Variants in GUCY1A1 observed in about 807,000 individuals in gnomAD.
GUCY1A1 encodes guanylate cyclase 1 soluble subunit alpha 1.
Under a neutral mutation model 64.5 loss-of-function variants are expected in GUCY1A1, and 48 were observed. The ratio of observed to expected loss-of-function variants is 0.74; its 90% CI spans 0.59 to 0.95. The LOEUF is 0.95. Ranked by LOEUF, GUCY1A1 falls within the 40% of genes least tolerant of loss-of-function variation. The probability of loss-of-function intolerance (pLI) is 0.00; values close to 1 mark genes in which losing one functional copy is unlikely to be tolerated. For synonymous variants in GUCY1A1, 308 were observed against 303.4 expected, an observed-to-expected ratio of 1.02 and a Z score of -0.16; for missense variants, 804 against 825.3, an observed-to-expected ratio of 0.97 and a Z score of 0.32.
At chr4:155,693,767 C>G (rs954316977) in intron 2 of GUCY1A1, among the ~76,000 whole-genome samples, 1 of 152,002 alleles carries the variant, frequency 6.6e-6, no homozygotes, top group Non-Finnish European at 1.5e-5. Context: ...ATTATAGTAC[C>G]GTGCAGTACA....
At chr4:155,696,009 G>A (rs992271245) in intron 2 of GUCY1A1, among the ~76,000 whole-genome samples, 10 of 152,284 alleles carry the variant, frequency 6.6e-5, no homozygotes, top group African/African-American at 1.7e-4. Flanking sequence ...ATGCTGGAAT[G>A]GCGATGCTTA....
intron 2 of GUCY1A1, among the ~76,000 whole-genome samples, chr4:155,671,368 G>A (rs1734121957): frequency 6.6e-6 from 1 of 152,186 alleles, no homozygotes; most frequent in South Asian, 2.1e-4. Context: ...CTTCCTTGCT[G>A]TTGATTTAGC....
intron 5 of GUCY1A1, among the ~76,000 whole-genome samples, chr4:155,708,899 A>G (rs28460522): frequency 6.7e-6 from 1 of 149,736 alleles, no homozygotes; most frequent in African/African-American, 2.5e-5. Context: ...TTTTTCCCAC[A>G]TTACAGATAA....
chr4:155,703,384 A>G (rs917532969), intron 3 of GUCY1A1, among the ~76,000 whole-genome samples: 1 of 152,238 alleles, frequency 6.6e-6, no homozygotes, highest in African/African-American at 2.4e-5. Flanking sequence ...AGGAAGAGAC[A>G]GAGATAACTC....
At chr4:155,688,472 A>G (rs17033365) in intron 2 of GUCY1A1, among the ~76,000 whole-genome samples, 15,221 of 152,196 alleles carry the variant, frequency 0.1, 2,522 homozygotes, top group African/African-American at 0.34. Flanking sequence ...TAGCCCAATT[A>G]TTTAATCAAG....
chr4:155,713,624 T>G lies in GUCY1A1; in HGVS notation c.1572+41T>G, dbSNP rs768304970. The stretch of plus-strand genomic sequence containing the variant: ...GGAAATAATTGTTTTACCAGCAAAC[T>G]CACTGGGGAACAAGCACTGTGCCTA... On this transcript the variant is annotated intron_variant, in intron 7 of 9. Coordinates refer to ENST00000506455, the MANE Select transcript of GUCY1A1 (RefSeq NM_001130682.3). 7 of 1,591,434 alleles carry G rather than the reference T, an allele frequency of 4.4e-6. No individual in the cohort carries two copies. In the Admixed American group the frequency reaches 8.4e-5, roughly 19 times the overall value.
chr4:155,679,593 G>A (rs558912951), intron 2 of GUCY1A1, among the ~76,000 whole-genome samples: 17 of 152,230 alleles, frequency 1.1e-4, no homozygotes, highest in East Asian at 9.7e-4. Context: ...ACTGGCTATC[G>A]TGAGAACGGT....
intron 9 of GUCY1A1, among the ~76,000 whole-genome samples, chr4:155,723,522 A>G (rs1211408303): frequency 1.3e-5 from 2 of 152,180 alleles, no homozygotes; most frequent in East Asian, 1.9e-4. Context: ...CTTAAGTAAC[A>G]AAAGAGTTTT....
chr4:155,682,508 A>G (rs894729950), intron 2 of GUCY1A1, among the ~76,000 whole-genome samples: 7 of 152,042 alleles, frequency 4.6e-5, no homozygotes, highest in South Asian at 2.1e-4. Flanking sequence ...TGTCTCTACT[A>G]AAAATACAAA....
chr4:155,703,986 GA>G lies in GUCY1A1; in HGVS notation c.313del (p.Ser105AlafsTer59). On this transcript the variant is annotated frameshift_variant, in exon 4 of 10. Coordinates refer to ENST00000506455, the MANE Select transcript of GUCY1A1 (RefSeq NM_001130682.3). LOFTEE classifies it high-confidence loss of function. ...QRTLAKHKIK[E>X]SRKSLEREDF... Reference sequence around the variant, plus strand: ...AACATTGGCAAAGCACAAAATAAAAGAAAGCAGGTAAGTCAAACCACTTTAG... The same window carrying G: ...AACATTGGCAAAGCACAAAATAAAAGAAGCAGGTAAGTCAAACCACTTTAG... 6.2e-7 allele frequency: 1 copy of G among 1,602,352 alleles called. No individual in the cohort carries two copies. Among genetic ancestry groups the G allele is most frequent in the Non-Finnish European group, 8.5e-7 (1 of 1,172,344 alleles).
At chr4:155,682,462 G>C (rs1317431539) in intron 2 of GUCY1A1, among the ~76,000 whole-genome samples, 1 of 152,086 alleles carries the variant, frequency 6.6e-6, no homozygotes, top group Non-Finnish European at 1.5e-5. Flanking sequence ...GGATCACGAG[G>C]TTAGGAGTTC....
intron 3 of GUCY1A1, among the ~76,000 whole-genome samples, chr4:155,703,124 CTGT>C (rs1293075514): frequency 1.3e-5 from 2 of 151,970 alleles, no homozygotes; most frequent in African/African-American, 4.8e-5. Flanking sequence ...AGACAATCAG[CTGT>C]TAAGATAAAT....
At chr4:155,717,554 T>C (rs1215630714) in intron 8 of GUCY1A1, among the ~76,000 whole-genome samples, 1 of 152,150 alleles carries the variant, frequency 6.6e-6, no homozygotes, top group Non-Finnish European at 1.5e-5. Context: ...ATGTTTCCCA[T>C]AGTATAGGGA....
At chr4:155,702,554 C>T (rs1183794057) in intron 3 of GUCY1A1, among the ~76,000 whole-genome samples, 2 of 152,160 alleles carry the variant, frequency 1.3e-5, no homozygotes, top group South Asian at 2.1e-4. Flanking sequence ...TCACCAAGCC[C>T]GACTCAGAAT....
chr4:155,698,361 G>T (rs1730678275), intron 3 of GUCY1A1, among the ~76,000 whole-genome samples: 1 of 152,196 alleles, frequency 6.6e-6, no homozygotes, highest in Non-Finnish European at 1.5e-5. Context: ...CACTCTAGTT[G>T]CTAGACAGCC....
rs537900315 is a variant in GUCY1A1, at chr4:155,696,359, C to A, written c.-112-397C>A. On this transcript the variant is annotated intron_variant, in intron 2 of 9. Transcript: ENST00000506455. ...TGTTCTGACTTTTCAGAAAGGAGAGCATAATGAGAATGTAGTAGTACAAGC... is the reference window on the plus strand; with the variant it reads ...TGTTCTGACTTTTCAGAAAGGAGAGAATAATGAGAATGTAGTAGTACAAGC... Among the ~76,000 whole-genome samples, 9 of 152,008 alleles carry A rather than the reference C, an allele frequency of 5.9e-5. No homozygotes were observed. In the South Asian group the frequency reaches 1.0e-3, roughly 18 times the overall value.
rs113286015 is a variant in GUCY1A1 at position 155,722,220 on chromosome 4, C to A, written c.1871+28C>A. On this transcript the variant is annotated intron_variant, in intron 9 of 9. Transcript: ENST00000506455. ...AGTAATTATGTTAAACACCTAAAAT[C>A]TCTTGTTTTTATTTATATACAATTG... 8 of 1,599,414 alleles carry A rather than the reference C, an allele frequency of 5.0e-6. No homozygotes were observed. In the African/African-American group the frequency reaches 5.4e-5, roughly 11 times the overall value.
chr4:155,685,072 G>A (rs1256220756), intron 2 of GUCY1A1, among the ~76,000 whole-genome samples: 1 of 152,164 alleles, frequency 6.6e-6, no homozygotes, highest in South Asian at 2.1e-4. Context: ...TCTGTAGTTA[G>A]ATAGGGTTGG....
chr4:155,712,936 T>C (rs1277965341), intron 6 of GUCY1A1, among the ~76,000 whole-genome samples, 162 bp from the exon 7 acceptor site: 4 of 152,190 alleles, frequency 2.6e-5, no homozygotes, highest in South Asian at 2.1e-4. Flanking sequence ...TCTGCACGCA[T>C]TTTAGAACTC....
Sources: allele counts gnomAD v4.1 joint callset (sites outside exome capture counted in the v4.1 genomes callset), GRCh38; gene constraint gnomAD v4.1.1; transcripts MANE v1.5; gene names NCBI Gene and HGNC (gene_info 2026-07-23, HGNC 2026-07-21).